The following PIEZO2 variants were observed in gnomAD, a reference collection of about 807,000 sequenced individuals.
PIEZO2 encodes piezo-type mechanosensitive ion channel component 2.
In PIEZO2, 172 loss-of-function variants were observed where a neutral mutation model predicts 337.3. The observed-to-expected ratio is 0.51, with a 90% CI of 0.45 to 0.58. The LOEUF is 0.58. PIEZO2 is among the 20% of genes least tolerant of loss of function. The pLI, the probability that PIEZO2 is intolerant of heterozygous loss-of-function variation, is 0.00. For synonymous variants in PIEZO2, 1,251 were observed against 1,228.5 expected, an observed-to-expected ratio of 1.02 and a Z score of -0.38; for missense variants, 3,028 against 3,391.3, an observed-to-expected ratio of 0.89 and a Z score of 2.66.
In PIEZO2 at chr18:10,828,155, T is replaced by C. The variant is rs1263885303; in HGVS notation, c.918-20881A>G. Among the ~76,000 whole-genome samples, 1 of 143,282 alleles carries C rather than the reference T, an allele frequency of 7.0e-6. No individual in the cohort carries two copies. Among genetic ancestry groups the C allele is most frequent in the Admixed American group, 7.0e-5 (1 of 14,234 alleles). 94.0% of individuals were successfully genotyped at this position (143,282 alleles called of 152,430 possible). A position where few individuals can be genotyped will look rare whatever the true frequency, so the allele number is the denominator to read the frequency against. ...GTTTGTTTTTGTTTTTTTTTTTTTT[T>C]ACAGTAAAACCAATCCTGTATGTAG... On this transcript the variant is annotated intron_variant, in intron 7 of 55. Transcript: ENST00000674853. The surrounding 1 kb of genome is among the most constrained non-coding windows in gnomAD (Gnocchi z 4.1).
At chr18:11,108,468 G>A (rs1352701103) in intron 1 of PIEZO2, among the ~76,000 whole-genome samples, 2 of 125,124 alleles carry the variant, frequency 1.6e-5, no homozygotes, top group African/African-American at 3.1e-5. Context: ...ACAAAAAGTA[G>A]CCGGGCGCGG....
At chr18:11,071,514 A>T (rs2038338469) in intron 1 of PIEZO2, among the ~76,000 whole-genome samples, 1 of 152,224 alleles carries the variant, frequency 6.6e-6, no homozygotes, top group Non-Finnish European at 1.5e-5. Context: ...GTGGGGAGAC[A>T]GTAGTGAACA....
chr18:10,766,874 A>G lies in PIEZO2; in HGVS notation c.2946+3274T>C, dbSNP rs913156020. Among the ~76,000 whole-genome samples, 3 of 152,214 alleles carry G rather than the reference A, an allele frequency of 2.0e-5. No homozygotes were observed. The highest frequency in any genetic ancestry group is 7.2e-5 in the African/African-American group (3 of 41,462). On this transcript the variant is annotated intron_variant, in intron 21 of 55. Transcript: ENST00000674853. This position sits in a 1 kb window ranked among gnomAD's most constrained non-coding sequence, Gnocchi z 6.1. The stretch of plus-strand genomic sequence containing the variant: ...TTCACTTTATTGTGAGTCCTTAATA[A>G]AGGCTCAATGAATGCTTAGTGAGAG...
rs933938613 is a variant in PIEZO2, at chr18:10,870,073, A to C, written c.492+1180T>G. ...GTATTTTTAGTAGAGACAGGGTTTC[A>C]CCATGTTGGCCAGGCTGGTCTCGAA... is the stretch of plus-strand genomic sequence containing the variant. On this transcript the variant is annotated intron_variant, in intron 5 of 55. Transcript: ENST00000674853. This position sits in a 1 kb window ranked among gnomAD's most constrained non-coding sequence, Gnocchi z 5.3. 5.9e-5 allele frequency among the ~76,000 whole-genome samples: 9 copies of C among 152,106 alleles called. No individual in the cohort carries two copies. Among genetic ancestry groups the C allele is most frequent in the African/African-American group, 2.2e-4 (9 of 41,420 alleles).
intron 2 of PIEZO2, among the ~76,000 whole-genome samples, chr18:11,020,165 G>A (rs1345378503): frequency 6.6e-6 from 1 of 152,176 alleles, no homozygotes; most frequent in African/African-American, 2.4e-5. Flanking sequence ...AGCAAGAAAA[G>A]GCAACACAGA....
At chr18:10,708,724 A>C (rs1232582312) in intron 39 of PIEZO2, among the ~76,000 whole-genome samples, 1 of 152,236 alleles carries the variant, frequency 6.6e-6, no homozygotes, top group Non-Finnish European at 1.5e-5. Flanking sequence ...ACAAGTCCCA[A>C]TATTTTTCTC....
At position 11,094,185 on chromosome 18, in the gene PIEZO2, G is replaced by T. The variant is rs1051953269; in HGVS notation, c.65-27963C>A. 6.6e-6 allele frequency among the ~76,000 whole-genome samples: 1 copy of T among 151,988 alleles called. No homozygotes were observed. The highest frequency in any genetic ancestry group is 1.5e-5 in the Non-Finnish European group (1 of 68,014). ...ATAGAGACCAGGTTTCATCATGTTG[G>T]CCAGGCTCTTCTCTCTACTGTGATA... is the stretch of plus-strand genomic sequence containing the variant. On this transcript the variant is annotated intron_variant, in intron 1 of 55. Coordinates refer to ENST00000674853, the MANE Select transcript of PIEZO2 (RefSeq NM_001378183.1). This position sits in a 1 kb window ranked among gnomAD's most constrained non-coding sequence, Gnocchi z 4.4.
In PIEZO2 at chr18:11,126,006, A is replaced by G. The variant is rs2040171235; in HGVS notation, c.64+22519T>C. Among the ~76,000 whole-genome samples the G allele has an allele frequency of 6.6e-6, 1 of 152,206 alleles. No individual in the cohort carries two copies. The highest frequency in any genetic ancestry group is 2.4e-5 in the African/African-American group (1 of 41,446). ...TGTGGTTTTATCCAGAGTGTTGTCA[A>G]AGCATGCATAATGACTCCATTTATT... On this transcript the variant is annotated intron_variant, in intron 1 of 55. Coordinates refer to ENST00000674853, the MANE Select transcript of PIEZO2 (RefSeq NM_001378183.1). This position sits in a 1 kb window ranked among gnomAD's most constrained non-coding sequence, Gnocchi z 4.6.
intron 4 of PIEZO2, among the ~76,000 whole-genome samples, chr18:10,887,857 A>G (rs1033075375): frequency 2.0e-5 from 3 of 152,186 alleles, no homozygotes; most frequent in Non-Finnish European, 2.9e-5. Flanking sequence ...ATGGTGCTGT[A>G]CTGCTCTCAG....
chr18:11,023,509 T>C (rs568503478), intron 2 of PIEZO2, among the ~76,000 whole-genome samples: 1 of 152,288 alleles, frequency 6.6e-6, no homozygotes, highest in African/African-American at 2.4e-5. Context: ...GGAGTGCCGA[T>C]TGGTGTATTT....
Position 11,116,973 on chromosome 18 carries a change from G to A in PIEZO2, c.64+31552C>T, listed in dbSNP as rs150485729. Among the ~76,000 whole-genome samples, 719 of 152,000 alleles carry A rather than the reference G, an allele frequency of 4.7e-3. 6 individuals are homozygous for A. Among genetic ancestry groups the A allele is most frequent in the African/African-American group, 0.016 (669 of 41,470 alleles). On this transcript the variant is annotated intron_variant, in intron 1 of 55. Transcript: ENST00000674853. The surrounding 1 kb of genome is among the most constrained non-coding windows in gnomAD (Gnocchi z 5.0). ...AAAATATAAAAATTAGCCTGGCTTG[G>A]TGGCACGTGCCTGTAGTGCCAGCTA...
In PIEZO2 at chr18:11,104,485, AGGG is replaced by A; in HGVS notation, c.65-38266_65-38264del. On this transcript the variant is annotated intron_variant, in intron 1 of 55. Coordinates refer to ENST00000674853, the MANE Select transcript of PIEZO2 (RefSeq NM_001378183.1). This position sits in a 1 kb window ranked among gnomAD's most constrained non-coding sequence, Gnocchi z 4.6. ...AATGAACGCAGCTGCCCTTCTCTCT[AGGG>A]GTGGGGCAGGGACGGCCTCCTGGGC... Among the ~76,000 whole-genome samples the A allele has an allele frequency of 6.6e-6, 1 of 152,096 alleles. No homozygotes were observed. Among genetic ancestry groups the A allele is most frequent in the East Asian group, 1.9e-4 (1 of 5,174 alleles).
chr18:10,928,034 C>T (rs2031854595), intron 3 of PIEZO2, among the ~76,000 whole-genome samples: 1 of 152,064 alleles, frequency 6.6e-6, no homozygotes, highest in South Asian at 2.1e-4. Context: ...ATAACAATAC[C>T]ATACACTGGT....
intron 2 of PIEZO2, among the ~76,000 whole-genome samples, chr18:11,058,155 T>C (rs2037798307): frequency 6.6e-6 from 1 of 152,240 alleles, no homozygotes; most frequent in African/African-American, 2.4e-5. Context: ...CAGTATCCAC[T>C]GTTCTGCAGC....
intron 1 of PIEZO2, among the ~76,000 whole-genome samples, chr18:11,090,050 G>A (rs887607617): frequency 2.0e-5 from 3 of 152,214 alleles, no homozygotes; most frequent in African/African-American, 7.2e-5. Flanking sequence ...GAGAAGGGTA[G>A]GAAGGGAGAG....
At chr18:10,951,509 G>C (rs9953691) in intron 3 of PIEZO2, among the ~76,000 whole-genome samples, 21,200 of 152,112 alleles carry the variant, frequency 0.14, 2,478 homozygotes, top group African/African-American at 0.32. Context: ...ACCGTTGCCA[G>C]ATAATGTTTC....
chr18:10,897,436 G>A (rs1031222252), intron 4 of PIEZO2, among the ~76,000 whole-genome samples: 2 of 152,210 alleles, frequency 1.3e-5, no homozygotes, highest in African/African-American at 2.4e-5. Context: ...TGATCTACTC[G>A]CCTCAGCCTC....
intron 2 of PIEZO2, among the ~76,000 whole-genome samples, chr18:11,018,131 G>T (rs1222350047): frequency 6.6e-6 from 1 of 151,714 alleles, no homozygotes; most frequent in Non-Finnish European, 1.5e-5. Flanking sequence ...GTAGTGGCCG[G>T]TCATCCACAG....
In PIEZO2 at chr18:10,978,493, G is replaced by T. The variant is rs905585764; in HGVS notation, c.286+1042C>A. Among the ~76,000 whole-genome samples, 3 of 152,126 alleles carry T rather than the reference G, an allele frequency of 2.0e-5. No homozygotes were observed. In the East Asian group the frequency reaches 5.8e-4, roughly 29 times the overall value. On this transcript the variant is annotated intron_variant, in intron 3 of 55. Transcript: ENST00000674853. ...CGTCTTGATAGGCATTGTTATCAAA[G>T]GAACTCTGAAATCAATAAAATGGCT...
Sources: gnomAD v4.1 joint callset for allele counts (sites outside exome capture counted in the v4.1 genomes callset) on GRCh38, gnomAD v4.1.1 for gene constraint, Gnocchi (gnomAD v3.1) non-coding constraint, MANE v1.5 for transcripts, NCBI Gene and HGNC (gene_info 2026-07-23, HGNC 2026-07-21) for gene names.